The following STON1 variants were observed in gnomAD, a reference collection of about 807,000 sequenced individuals.
STON1 encodes the protein stonin-1.
In STON1, 79 loss-of-function variants were observed where a neutral mutation model predicts 60.9. That is an observed-to-expected ratio of 1.30 (90% CI 1.08 to 1.56). The LOEUF is 1.56. STON1 is among the 40% of genes most tolerant of loss of function. The pLI is 0.00. For synonymous variants in STON1, 363 were observed against 306.9 expected (o/e 1.18, Z -1.91); for missense variants, 1,166 against 858.9 (o/e 1.36, Z -4.47).
intron 1 of STON1, among the ~76,000 whole-genome samples, chr2:48,532,854 T>A (rs1191281492): frequency 1.3e-5 from 2 of 152,112 alleles, no homozygotes; most frequent in Non-Finnish European, 2.9e-5. Context: ...GTTGGAAATA[T>A]CAATACATGA....
chr2:48,579,106 C>T (rs533829152), intron 1 of STON1, among the ~76,000 whole-genome samples: 8 of 151,600 alleles, frequency 5.3e-5, no homozygotes, highest in African/African-American at 1.7e-4. Context: ...CGGGCTCAAG[C>T]GATTTTCCTG....
chr2:48,531,134 A>T (rs1222556026), intron 1 of STON1: 1 of 152,186 alleles, frequency 6.6e-6, no homozygotes. Context: ...GGGAGATAGA[A>T]GTTCAGTGTA....
At chr2:48,591,133 CAT>C (rs1674490133) in intron 2 of STON1, among the ~76,000 whole-genome samples, 2 of 151,306 alleles carry the variant, frequency 1.3e-5, no homozygotes, top group Non-Finnish European at 2.9e-5. Flanking sequence ...AAATATTACT[CAT>C]ATCTTTTAAT....
At chr2:48,578,450 C>G (rs987023419) in intron 1 of STON1, among the ~76,000 whole-genome samples, 5 of 152,012 alleles carry the variant, frequency 3.3e-5, no homozygotes, top group African/African-American at 7.2e-5. Context: ...CATCAGCTAT[C>G]TGTAGTGTTA....
At position 48,539,594 on chromosome 2, in the gene STON1, T is replaced by C. The variant is rs1006768598; in HGVS notation, c.-48+9378T>C. Among the ~76,000 whole-genome samples, 3 of 152,046 alleles carry C rather than the reference T, an allele frequency of 2.0e-5. No individual in the cohort carries two copies. In the East Asian group the frequency reaches 5.8e-4, roughly 29 times the overall value. On this transcript the variant is annotated intron_variant, in intron 1 of 3. Coordinates refer to ENST00000404752, the MANE Select transcript of STON1 (RefSeq NM_006873.4). ...TTGGCTCACTGCAACCTCTGCCTCC[T>C]GGGTTCAAGCGATCTTCCTGCCTCA...
intron 1 of STON1, among the ~76,000 whole-genome samples, chr2:48,577,607 G>GT (rs1572970283): frequency 6.6e-6 from 1 of 151,770 alleles, no homozygotes; most frequent in South Asian, 2.1e-4. Flanking sequence ...AAAAAAACAG[G>GT]TTTTTTTGTT....
intron 1 of STON1, among the ~76,000 whole-genome samples, chr2:48,564,403 G>A (rs982439370): frequency 7.7e-6 from 1 of 130,030 alleles, no homozygotes; most frequent in Non-Finnish European, 1.7e-5. Flanking sequence ...GGCAGTGGCG[G>A]TGTCTTCTTC....
intron 1 of STON1, 134 bp from the exon 2 acceptor site, chr2:48,580,453 T>C (rs1673806947): frequency 2.3e-6 from 2 of 863,968 alleles, no homozygotes; most frequent in Non-Finnish European, 3.0e-6. Context: ...AGTTGGATCA[T>C]GTTTTTTTTT....
chr2:48,562,385 T>C (rs2103830488), intron 1 of STON1, among the ~76,000 whole-genome samples: 1 of 152,342 alleles, frequency 6.6e-6, no homozygotes, highest in Middle Eastern at 3.4e-3. Context: ...GACACCGCCT[T>C]GCTGCTCAGG....
rs1558604851 is a variant in STON1, at chr2:48,564,484, TTCTTCTTC to T, written c.-47-16101_-47-16094del. ...TTCTTCTTCTTCTTCTTCTTCTTTC[TTCTTCTTC>T]TTCTTCTTCTTCTTCTTCTTCTTCT... is the stretch of plus-strand genomic sequence containing the variant. On this transcript the variant is annotated intron_variant, in intron 1 of 3. Coordinates refer to ENST00000404752, the MANE Select transcript of STON1 (RefSeq NM_006873.4). Among the ~76,000 whole-genome samples, 17 of 23,286 alleles carry T rather than the reference TTCTTCTTC, an allele frequency of 7.3e-4. 1 individual carries two copies. Among genetic ancestry groups the T allele is most frequent in the South Asian group, 2.0e-3 (1 of 502 alleles). The allele number at this position is 23,286 out of a possible 152,430, so 15.3% of individuals were successfully genotyped here.
rs138843100 is a variant in STON1, at chr2:48,558,654, TAACTC to T, written c.-47-21930_-47-21926del. ...TTTTACACTGGCGTTAACTGGCACA[TAACTC>T]AAATCAACAGAAACATGAGCAGAGG... is the stretch of plus-strand genomic sequence containing the variant. On this transcript the variant is annotated intron_variant, in intron 1 of 3. Coordinates refer to ENST00000404752, the MANE Select transcript of STON1 (RefSeq NM_006873.4). 9.4e-3 allele frequency among the ~76,000 whole-genome samples: 1,424 copies of T among 152,270 alleles called. 22 individuals are homozygous for T. Among genetic ancestry groups the T allele is most frequent in the African/African-American group, 0.032 (1,323 of 41,544 alleles).
At chr2:48,574,959 C>T (rs1673399043) in intron 1 of STON1, among the ~76,000 whole-genome samples, 1 of 152,236 alleles carries the variant, frequency 6.6e-6, no homozygotes, top group African/African-American at 2.4e-5. Context: ...TACAGCAAAT[C>T]TCTAGAACCT....
At chr2:48,580,285 C>T (rs951711161) in intron 1 of STON1, among the ~76,000 whole-genome samples, 1 of 152,084 alleles carries the variant, frequency 6.6e-6, no homozygotes, top group Non-Finnish European at 1.5e-5. Context: ...CCTTCTTTGT[C>T]TCCTATGATA....
In STON1 at chr2:48,587,006, G is replaced by A. The variant is rs190018243; in HGVS notation, c.1930+4443G>A. ...TAGGTGGGCAATGGTGCCATTAGCC[G>A]AGATAGCCTGGGATCTTCTCATCAC... On this transcript the variant is annotated intron_variant, in intron 2 of 3. Coordinates refer to ENST00000404752, the MANE Select transcript of STON1 (RefSeq NM_006873.4). Among the ~76,000 whole-genome samples, 16 of 152,280 alleles carry A rather than the reference G, an allele frequency of 1.1e-4. No individual in the cohort carries two copies. In the East Asian group the frequency reaches 2.3e-3, roughly 22 times the overall value.
intron 1 of STON1, among the ~76,000 whole-genome samples, chr2:48,564,450 TTC>T (rs1479560719): frequency 1.9e-4 from 10 of 53,572 alleles, no homozygotes; most frequent in East Asian, 9.1e-4. Flanking sequence ...CTTCTTCTTC[TTC>T]TTCTTCTTCT....
At chr2:48,557,015 CG>C (rs1396768561) in intron 1 of STON1, among the ~76,000 whole-genome samples, 4 of 87,084 alleles carry the variant, frequency 4.6e-5, no homozygotes, top group African/African-American at 1.8e-4. Flanking sequence ...GCTGCCCGGG[CG>C]GGGGGGCTGA....
intron 3 of STON1, 109 bp downstream of exon 3, chr2:48,591,964 A>G (rs1449768274): frequency 2.8e-6 from 4 of 1,436,118 alleles, no homozygotes; most frequent in Non-Finnish European, 3.7e-6. Flanking sequence ...GTGTGGTGAG[A>G]TTTGCCCTAG....
Position 48,596,924 on chromosome 2 carries a change from A to C in STON1, c.*1622A>C, listed in dbSNP as rs1037337336. On this transcript the variant is annotated 3_prime_UTR_variant, in exon 4 of 4. Transcript: ENST00000404752. ...GGAGTGCAGTGTGTCATCTTGGCTCACTGCAACCTCCGCCTCCTGGGTTCA... is the reference window on the plus strand; with the variant it reads ...GGAGTGCAGTGTGTCATCTTGGCTCCCTGCAACCTCCGCCTCCTGGGTTCA... The C allele has an allele frequency of 4.6e-5, 7 of 152,166 alleles. No homozygotes were observed. Among genetic ancestry groups the C allele is most frequent in the African/African-American group, 1.7e-4 (7 of 41,414 alleles). 9.4% of individuals were successfully genotyped at this position (152,166 alleles called of 1,614,324 possible). A position where few individuals can be genotyped will look rare whatever the true frequency, so the allele number is the denominator to read the frequency against.
chr2:48,594,942 G>T (rs897524564), intron 3 of STON1, among the ~76,000 whole-genome samples: 4 of 152,038 alleles, frequency 2.6e-5, no homozygotes, highest in Non-Finnish European at 4.4e-5. Flanking sequence ...TTTTTTTTCA[G>T]TATACATATT....
Sources: allele counts gnomAD v4.1 joint callset (sites outside exome capture counted in the v4.1 genomes callset), GRCh38; gene constraint gnomAD v4.1.1; transcripts MANE v1.5; gene names NCBI Gene and HGNC (gene_info 2026-07-23, HGNC 2026-07-21).